The following CDKL4 variants were observed in gnomAD, a reference collection of about 807,000 sequenced individuals.
CDKL4 encodes the protein cyclin dependent kinase like 4, also known as cyclin-dependent kinase-like 4.
In CDKL4, 44 loss-of-function variants were observed where a neutral mutation model predicts 42.0. The ratio of observed to expected loss-of-function variants is 1.05; its 90% CI spans 0.82 to 1.35. The LOEUF is 1.35. Ranked by LOEUF, CDKL4 falls within the 40% of genes most tolerant of loss-of-function variation. The pLI, the probability that CDKL4 is intolerant of heterozygous loss-of-function variation, is 0.00. For synonymous variants in CDKL4, 120 were observed against 121.6 expected (o/e 0.99, Z 0.09); for missense variants, 393 against 369.9 (o/e 1.06, Z -0.51).
At chr2:39,228,330 G>C (rs960353234) in intron 2 of CDKL4, among the ~76,000 whole-genome samples, 1 of 152,110 alleles carries the variant, frequency 6.6e-6, no homozygotes, top group South Asian at 2.1e-4. Flanking sequence ...TGATGGATGT[G>C]TTCCTGAAGA....
intron 9 of CDKL4, chr2:39,178,630 T>A: frequency 1.3e-6 from 2 of 1,577,788 alleles, no homozygotes; most frequent in Non-Finnish European, 1.7e-6. Flanking sequence ...GTCATAACAG[T>A]CACCATACTG....
chr2:39,185,460 G>GTATA (rs796300737), intron 7 of CDKL4, among the ~76,000 whole-genome samples: 2 of 104,000 alleles, frequency 1.9e-5, no homozygotes, highest in African/African-American at 7.6e-5. Context: ...ATACATATGT[G>GTATA]TATATATATA....
At chr2:39,224,727 C>T (rs1027196554) in intron 3 of CDKL4, among the ~76,000 whole-genome samples, 20 of 152,188 alleles carry the variant, frequency 1.3e-4, no homozygotes, top group African/African-American at 4.8e-4. Context: ...TTGTCTAGAA[C>T]ACGTGAGTTC....
chr2:39,215,286 C>T (rs1391792965), intron 3 of CDKL4, among the ~76,000 whole-genome samples: 1 of 152,112 alleles, frequency 6.6e-6, no homozygotes, highest in East Asian at 1.9e-4. Context: ...TACATTTCTT[C>T]TTTTGTGTAA....
intron 1 of CDKL4, among the ~76,000 whole-genome samples, chr2:39,233,050 A>AAAT (rs1679163955): frequency 1.2e-5 from 1 of 83,360 alleles, no homozygotes. Flanking sequence ...ATCTCAAAAA[A>AAAT]AAAAAAAAAA....
At position 39,196,740 on chromosome 2, in the gene CDKL4, T is replaced by C. The variant is rs187701023; in HGVS notation, c.455-6238A>G. Among the ~76,000 whole-genome samples the C allele has an allele frequency of 2.8e-3, 428 of 152,310 alleles. 3 individuals carry two copies. Among genetic ancestry groups the C allele is most frequent in the Non-Finnish European group, 4.2e-3 (286 of 68,022 alleles). ...CTCCTGCCTCAGCCTCCCAAGTAGCTGGGACTACACGTACGTGCTGCCACG... is the reference window on the plus strand; with the variant it reads ...CTCCTGCCTCAGCCTCCCAAGTAGCCGGGACTACACGTACGTGCTGCCACG... On this transcript the variant is annotated intron_variant, in intron 5 of 9. Coordinates refer to ENST00000451199, the Ensembl canonical transcript of CDKL4.
At chr2:39,240,692 A>AG (rs942373287) in intron 1 of CDKL4, among the ~76,000 whole-genome samples, 12 of 151,272 alleles carry the variant, frequency 7.9e-5, no homozygotes, top group Non-Finnish European at 1.0e-4. Context: ...AAAAAAAAAA[A>AG]AAAGAAAAAA....
At chr2:39,231,114 A>C (rs1679070848) in intron 1 of CDKL4, among the ~76,000 whole-genome samples, 1 of 152,200 alleles carries the variant, frequency 6.6e-6, no homozygotes, top group African/African-American at 2.4e-5. Flanking sequence ...TAGGAGGCTG[A>C]GGCAGGAGAA....
At chr2:39,217,573 C>A (rs1678006640) in intron 3 of CDKL4, among the ~76,000 whole-genome samples, 1 of 152,136 alleles carries the variant, frequency 6.6e-6, no homozygotes, top group African/African-American at 2.4e-5. Flanking sequence ...GTTACTATGG[C>A]CTACAAGGCT....
At chr2:39,171,357 C>T (rs1674995720), downstream of CDKL4, among the ~76,000 whole-genome samples, 1 of 152,080 alleles carries the variant, frequency 6.6e-6, no homozygotes, top group South Asian at 2.1e-4. Context: ...CTTTCTGTTT[C>T]AACTCTTCAT....
rs1677039890 is a variant in CDKL4, at chr2:39,204,379, TACTG to T, written c.454+144_454+147del. On this transcript the variant is annotated intron_variant, in intron 5 of 9. Coordinates refer to ENST00000451199, the Ensembl canonical transcript of CDKL4. The stretch of plus-strand genomic sequence containing the variant: ...AGCAGAGTTGAAGTGCAAACGAATG[TACTG>T]ACTAAAAGGCTAAAGTGAGATTTTC... The T allele has an allele frequency of 6.3e-5, 40 of 630,654 alleles. No homozygotes were observed. In the South Asian group the frequency reaches 7.4e-4, roughly 12 times the overall value. 39.1% of individuals were successfully genotyped at this position (630,654 alleles called of 1,614,324 possible).
intron 5 of CDKL4, among the ~76,000 whole-genome samples, chr2:39,201,403 C>T (rs918462068): frequency 9.3e-5 from 14 of 150,676 alleles, no homozygotes; most frequent in Non-Finnish European, 1.3e-4. Context: ...CTATGAAAAA[C>T]AGTGTGGAGA....
At chr2:39,238,321 T>C (rs1679473403) in intron 1 of CDKL4, among the ~76,000 whole-genome samples, 1 of 152,146 alleles carries the variant, frequency 6.6e-6, no homozygotes, top group Non-Finnish European at 1.5e-5. Flanking sequence ...TGGTCTCAGC[T>C]GCTTGGGATG....
intron 1 of CDKL4, 75 bp from the exon 2 acceptor site, chr2:39,229,663 G>A (rs2148394007): frequency 3.3e-6 from 2 of 606,038 alleles, no homozygotes. Context: ...CAACCAATTT[G>A]TCCACATGCC....
chr2:39,185,195 T>C (rs1330710584), intron 7 of CDKL4, among the ~76,000 whole-genome samples: 1 of 37,306 alleles, frequency 2.7e-5, no homozygotes, highest in East Asian at 6.6e-4. Context: ...TATATACATA[T>C]ATATACACAT....
chr2:39,174,106 C>T (rs1311993267), downstream of CDKL4, among the ~76,000 whole-genome samples: 2 of 151,980 alleles, frequency 1.3e-5, no homozygotes, highest in Non-Finnish European at 2.9e-5. Flanking sequence ...GATCAGCTCA[C>T]TTAAAAAGTC....
At chr2:39,200,425 A>G (rs1676780113) in intron 5 of CDKL4, among the ~76,000 whole-genome samples, 1 of 152,190 alleles carries the variant, frequency 6.6e-6, no homozygotes, top group Non-Finnish European at 1.5e-5. Flanking sequence ...AAAGCAACCT[A>G]CAAATCCAAT....
chr2:39,174,720 C>T (rs767948581), downstream of CDKL4, among the ~76,000 whole-genome samples: 11 of 152,240 alleles, frequency 7.2e-5, no homozygotes, highest in African/African-American at 9.6e-5. Context: ...ATAGGAATAT[C>T]ACTGATTGCG....
intron 5 of CDKL4, among the ~76,000 whole-genome samples, chr2:39,198,856 T>G (rs191047682): frequency 6.6e-6 from 1 of 152,122 alleles, no homozygotes; most frequent in Non-Finnish European, 1.5e-5. Flanking sequence ...GGAAAGTTTA[T>G]AGCATTAAAT....
Sources: allele counts gnomAD v4.1 joint callset (sites outside exome capture counted in the v4.1 genomes callset), GRCh38; gene constraint gnomAD v4.1.1; transcripts MANE v1.5; gene names NCBI Gene and HGNC (gene_info 2026-07-23, HGNC 2026-07-21).